The following TRHDE variants were observed in gnomAD, a reference collection of about 807,000 sequenced individuals.
The protein encoded by TRHDE is thyrotropin-releasing hormone-degrading ectoenzyme.
Under a neutral mutation model 125.7 loss-of-function variants are expected in TRHDE, and 72 were observed. The observed-to-expected ratio is 0.57, with a 90% CI of 0.47 to 0.70. The LOEUF is 0.70. Among genes scored for constraint, TRHDE ranks in the 30% least tolerant of loss-of-function variants. The pLI is 0.00. For missense variants in TRHDE, 1,110 were observed against 1,327.1 expected (o/e 0.84, Z 2.54); for synonymous variants, 509 against 509.1 (o/e 1.00, Z 0.00).
chr12:72,625,256 A>G (rs1442928773), intron 15 of TRHDE, among the ~76,000 whole-genome samples: 1 of 151,928 alleles, frequency 6.6e-6, no homozygotes. Flanking sequence ...AAAGGGCACA[A>G]TTTAAAGCTG....
At chr12:72,319,879 G>T (rs1309682680) in intron 2 of TRHDE, among the ~76,000 whole-genome samples, 1 of 151,916 alleles carries the variant, frequency 6.6e-6, no homozygotes, top group Non-Finnish European at 1.5e-5. Context: ...GGACATAATT[G>T]AATTGAATAG....
intron 3 of TRHDE, among the ~76,000 whole-genome samples, chr12:72,422,008 G>T (rs1306752680): frequency 2.6e-5 from 4 of 152,102 alleles, no homozygotes; most frequent in African/African-American, 9.7e-5. Flanking sequence ...TATTGACATA[G>T]AATTATTGTT....
At chr12:72,379,052 C>G (rs1872026055) in intron 3 of TRHDE, among the ~76,000 whole-genome samples, 1 of 152,176 alleles carries the variant, frequency 6.6e-6, no homozygotes, top group African/African-American at 2.4e-5. Context: ...TGATCAGATT[C>G]CACGTTAAAG....
At chr12:72,412,342 A>G (rs1873548655) in intron 3 of TRHDE, among the ~76,000 whole-genome samples, 1 of 152,208 alleles carries the variant, frequency 6.6e-6, no homozygotes, top group South Asian at 2.1e-4. Flanking sequence ...AACCAATTTT[A>G]TTAATAATTA....
At chr12:72,555,698 C>T (rs1869888915) in intron 7 of TRHDE, among the ~76,000 whole-genome samples, 1 of 152,088 alleles carries the variant, frequency 6.6e-6, no homozygotes, top group Non-Finnish European at 1.5e-5. Flanking sequence ...TCTCCTTGCT[C>T]CTGTTTCTCA....
intron 2 of TRHDE, among the ~76,000 whole-genome samples, chr12:72,213,451 C>T (rs367936433): frequency 4.9e-4 from 74 of 152,162 alleles, no homozygotes; most frequent in African/African-American, 1.5e-3. Context: ...TAAAGTGTGT[C>T]GCTATAATAC....
At chr12:72,531,930 T>C (rs1176151920) in intron 6 of TRHDE, among the ~76,000 whole-genome samples, 1 of 152,162 alleles carries the variant, frequency 6.6e-6, no homozygotes, top group Admixed American at 6.6e-5. Flanking sequence ...TCAAAATTGC[T>C]GTTGTTTACT....
At position 72,098,884 on chromosome 12, in the gene TRHDE, G is replaced by C. The variant is rs150056985; in HGVS notation, n.175-6764G>C. ...GAATTGTAAGAAAGAATAAATCACT[G>C]TCTGGGCTTCGTGGCTCACGTCTGT... On this transcript the variant is annotated intron_variant and non_coding_transcript_variant, in intron 1 of 4. Coordinates refer to the TRHDE transcript ENST00000548156. 1.1e-4 allele frequency among the ~76,000 whole-genome samples: 17 copies of C among 152,338 alleles called. No individual in the cohort carries two copies. The East Asian group carries it at 3.3e-3, about 29-fold the overall frequency.
intron 5 of TRHDE, among the ~76,000 whole-genome samples, chr12:72,475,325 A>C (rs958473370): frequency 2.6e-5 from 4 of 152,162 alleles, no homozygotes; most frequent in Non-Finnish European, 5.9e-5. Context: ...TCAATATTAA[A>C]AGATGTCCTT....
intron 7 of TRHDE, among the ~76,000 whole-genome samples, chr12:72,545,856 T>G (rs2135991641): frequency 6.6e-6 from 1 of 151,790 alleles, no homozygotes; most frequent in Non-Finnish European, 1.5e-5. Context: ...TGAAATTTCT[T>G]GGTGATTTTC....
intron 2 of TRHDE, among the ~76,000 whole-genome samples, chr12:72,362,726 G>A (rs901285638): frequency 2.6e-5 from 4 of 151,954 alleles, no homozygotes; most frequent in African/African-American, 9.7e-5. Flanking sequence ...AATCCATCTT[G>A]AATTAATTTT....
At chr12:72,162,736 T>C (rs1485818305) in intron 2 of TRHDE, among the ~76,000 whole-genome samples, 1 of 152,118 alleles carries the variant, frequency 6.6e-6, no homozygotes, top group Non-Finnish European at 1.5e-5. Flanking sequence ...ACATAAAAAA[T>C]AGGACTTTAT....
intron 2 of TRHDE, among the ~76,000 whole-genome samples, chr12:72,166,651 TC>T (rs563820378): frequency 2.0e-5 from 3 of 152,280 alleles, no homozygotes; most frequent in Admixed American, 2.0e-4. Context: ...GCTCCATTCT[TC>T]CTTTAACCCA....
chr12:72,497,130 G>A (rs1877953502), intron 5 of TRHDE, among the ~76,000 whole-genome samples: 1 of 151,896 alleles, frequency 6.6e-6, no homozygotes, highest in African/African-American at 2.4e-5. Context: ...CAACAAGGTA[G>A]ACAGATAAAT....
At chr12:72,324,081 T>G (rs10879399) in intron 2 of TRHDE, among the ~76,000 whole-genome samples, 149,104 of 152,202 alleles carry the variant, frequency 0.98, 73,088 homozygotes, top group African/African-American at 1. Flanking sequence ...TAACCCCTCA[T>G]TTGCATCAGC....
chr12:72,337,659 T>C (rs1393637895), intron 2 of TRHDE, among the ~76,000 whole-genome samples: 1 of 152,008 alleles, frequency 6.6e-6, no homozygotes. Context: ...TATTCCCCTT[T>C]GCGTGCTCTG....
chr12:72,125,970 G>T (rs1322866688), intron 2 of TRHDE, among the ~76,000 whole-genome samples: 2 of 152,120 alleles, frequency 1.3e-5, no homozygotes, highest in Non-Finnish European at 2.9e-5. Context: ...TATTAGAGAG[G>T]AGTGAGCCAC....
At chr12:72,307,920 A>C (rs1868374417) in intron 2 of TRHDE, among the ~76,000 whole-genome samples, 1 of 152,194 alleles carries the variant, frequency 6.6e-6, no homozygotes, top group Non-Finnish European at 1.5e-5. Flanking sequence ...CACCTGTAAA[A>C]ATGAAGTTTT....
chr12:72,275,759 A>T (rs1309151862), intron 1 of TRHDE, among the ~76,000 whole-genome samples: 1 of 152,116 alleles, frequency 6.6e-6, no homozygotes, highest in Non-Finnish European at 1.5e-5. Context: ...TTGAACCGTA[A>T]CTGATTTCTT....
Sources: gnomAD v4.1 joint callset for allele counts (sites outside exome capture counted in the v4.1 genomes callset) on GRCh38, gnomAD v4.1.1 for gene constraint, MANE v1.5 for transcripts, NCBI Gene and HGNC (gene_info 2026-07-23, HGNC 2026-07-21) for gene names.